Variants in CFAP92 observed in about 807,000 individuals in gnomAD.
The protein encoded by CFAP92 is cilia and flagella associated protein 92 (putative).
CFAP92 carries 86 observed loss-of-function variants against 106.3 expected under a neutral mutation model. That is an observed-to-expected ratio of 0.81 (90% CI 0.68 to 0.97). CFAP92 has a LOEUF of 0.97. CFAP92 is among the 50% of genes least tolerant of loss of function. The pLI is 0.00. For missense variants in CFAP92, 1,204 were observed against 1,283.8 expected, an observed-to-expected ratio of 0.94 and a Z score of 0.95; for synonymous variants, 477 against 506.4, an observed-to-expected ratio of 0.94 and a Z score of 0.78.
chr3:128,926,913 G>A (rs1937710384), intron 12 of CFAP92, among the ~76,000 whole-genome samples: 1 of 152,070 alleles, frequency 6.6e-6, no homozygotes, highest in Non-Finnish European at 1.5e-5. Flanking sequence ...GGCCAACATG[G>A]TGAAACCCTG....
the CFAP92 span, among the ~76,000 whole-genome samples, chr3:129,025,618 G>A: frequency 2.0e-5 from 3 of 152,178 alleles, no homozygotes; most frequent in Non-Finnish European, 2.9e-5. Flanking sequence ...TTGTGTATTT[G>A]CTTGTTTGAA....
upstream of CFAP92, among the ~76,000 whole-genome samples, chr3:128,995,848 A>G (rs1944460462): frequency 6.6e-6 from 1 of 152,198 alleles, no homozygotes; most frequent in South Asian, 2.1e-4. Flanking sequence ...GGCAGATTGT[A>G]TTTTCCAAAG....
chr3:128,956,786 C>T (rs755948412), intron 9 of CFAP92, among the ~76,000 whole-genome samples: 5 of 151,774 alleles, frequency 3.3e-5, no homozygotes, highest in Non-Finnish European at 7.4e-5. Flanking sequence ...TTGACACTAG[C>T]CTGGCTAACA....
chr3:128,938,491 C>A (rs78696578), intron 10 of CFAP92, among the ~76,000 whole-genome samples: 8 of 135,828 alleles, frequency 5.9e-5, no homozygotes, highest in Admixed American at 5.2e-4. Context: ...CTTCACCATT[C>A]TTTTTTTTTT....
At chr3:129,017,145 G>C in the CFAP92 span, among the ~76,000 whole-genome samples, 1 of 152,138 alleles carries the variant, frequency 6.6e-6, no homozygotes, top group Non-Finnish European at 1.5e-5. Context: ...ACCTCTCTTT[G>C]GCCAGAATTG....
intron 15 of CFAP92, chr3:128,910,636 G>A (rs1177027955): frequency 8.8e-6 from 11 of 1,248,762 alleles, no homozygotes; most frequent in South Asian, 1.2e-5. Context: ...CAGGCCTTGT[G>A]ACCCCTGCCA....
chr3:128,951,862 T>A (rs1940841121), intron 9 of CFAP92, among the ~76,000 whole-genome samples: 1 of 152,124 alleles, frequency 6.6e-6, no homozygotes, highest in African/African-American at 2.4e-5. Flanking sequence ...ACTGGGGTAG[T>A]GTCAGAAAAG....
intron 10 of CFAP92, among the ~76,000 whole-genome samples, chr3:128,943,623 T>A (rs1191159570): frequency 6.6e-6 from 1 of 151,390 alleles, no homozygotes; most frequent in Admixed American, 6.6e-5. Flanking sequence ...GCAACCTCCC[T>A]CTCCAGGGTT....
At position 128,935,075 on chromosome 3, in the gene CFAP92, G is replaced by T. The variant is rs563103436; in HGVS notation, c.2453+50C>A. The T allele has an allele frequency of 3.1e-5, 44 of 1,426,140 alleles. No homozygotes were observed. In the South Asian group the frequency reaches 5.8e-4, roughly 19 times the overall value. 88.3% of individuals were successfully genotyped at this position (1,426,140 alleles called of 1,614,324 possible). The stretch of plus-strand genomic sequence containing the variant: ...CTGTTTGGGTGCAGAGTGTTAAGAA[G>T]TGCCCCTCCCGCCGGGGCGCAGGAC... On this transcript the variant is annotated intron_variant, in intron 11 of 15. Coordinates refer to ENST00000645291, the MANE Select transcript of CFAP92 (RefSeq NM_001394090.1).
rs547697115 is a variant in CFAP92, at chr3:128,910,141, G to A, written c.*158C>T. On this transcript the variant is annotated 3_prime_UTR_variant, in exon 16 of 16. Transcript: ENST00000645291. The stretch of plus-strand genomic sequence containing the variant: ...CATCCGCATTGGGCTCCGCAACCAC[G>A]ACCACGAGGTGAGCCCAGCCCAGCC... 4.3e-5 allele frequency: 69 copies of A among 1,613,896 alleles called. No individual in the cohort carries two copies. In the Middle Eastern group the frequency reaches 6.6e-4, roughly 15 times the overall value.
At chr3:128,938,770 G>A (rs989241931) in intron 10 of CFAP92, among the ~76,000 whole-genome samples, 2 of 152,046 alleles carry the variant, frequency 1.3e-5, no homozygotes, top group Non-Finnish European at 2.9e-5. Flanking sequence ...GGGATTACAG[G>A]AGTGAGCCAC....
At chr3:128,962,417 T>C (rs1576541215) in intron 9 of CFAP92, among the ~76,000 whole-genome samples, 2 of 152,122 alleles carry the variant, frequency 1.3e-5, no homozygotes, top group African/African-American at 4.8e-5. Flanking sequence ...TACTCTTTTA[T>C]GCACTCTTTT....
intron 12 of CFAP92, among the ~76,000 whole-genome samples, chr3:128,925,185 A>T (rs1937567592): frequency 6.6e-6 from 1 of 152,132 alleles, no homozygotes; most frequent in Admixed American, 6.5e-5. Flanking sequence ...CCAGTGGGAG[A>T]GGGTTGTATG....
At chr3:128,929,258 C>T (rs955395820) in intron 12 of CFAP92, among the ~76,000 whole-genome samples, 23 of 152,174 alleles carry the variant, frequency 1.5e-4, no homozygotes, top group African/African-American at 5.1e-4. Context: ...ATCAAAAGGA[C>T]GGATAAGTGT....
chr3:128,914,958 A>C, intron 15 of CFAP92, 161 bp downstream of exon 15: 1 of 685,248 alleles, frequency 1.5e-6, no homozygotes, highest in South Asian at 2.2e-5. Flanking sequence ...CCAGCATTCA[A>C]TCTCTTTTTT....
intron 4 of CFAP92, among the ~76,000 whole-genome samples, chr3:128,980,731 C>A (rs1943477251): frequency 6.6e-6 from 1 of 152,216 alleles, no homozygotes; most frequent in Non-Finnish European, 1.5e-5. Flanking sequence ...TCCATCTCAT[C>A]TCAAGAAATC....
intron 1 of CFAP92, among the ~76,000 whole-genome samples, chr3:128,999,801 C>G (rs893520009): frequency 1.3e-5 from 2 of 152,068 alleles, no homozygotes; most frequent in African/African-American, 4.8e-5. Flanking sequence ...CCTCGGCCTC[C>G]CAAAGTGGTG....
intron 12 of CFAP92, among the ~76,000 whole-genome samples, chr3:128,922,195 T>C (rs929499170): frequency 1.3e-5 from 2 of 151,500 alleles, no homozygotes; most frequent in Non-Finnish European, 2.9e-5. Context: ...AAAAAAAAAT[T>C]AGCTGGGCAT....
intron 1 of CFAP92, 90 bp from the exon 2 acceptor site, chr3:128,993,426 T>A (rs1316085074): frequency 2.1e-5 from 28 of 1,351,772 alleles, no homozygotes; most frequent in Non-Finnish European, 2.6e-5. Flanking sequence ...CACCCACCCT[T>A]CTCTTCCCTG....
Sources: allele counts gnomAD v4.1 joint callset (sites outside exome capture counted in the v4.1 genomes callset), GRCh38; gene constraint gnomAD v4.1.1; transcripts MANE v1.5; gene names NCBI Gene and HGNC (gene_info 2026-07-23, HGNC 2026-07-21).